RRP1: variants seen among roughly 807,000 people sequenced by gnomAD.
RRP1 encodes the protein ribosomal RNA processing protein 1 homolog A.
RRP1 carries 37 observed loss-of-function variants against 54.6 expected under a neutral mutation model. The observed-to-expected ratio is 0.68, with a 90% CI of 0.52 to 0.89. The LOEUF (loss-of-function observed/expected upper bound fraction) is 0.89, where lower values mean the gene tolerates loss of function less well. Among genes scored for constraint, RRP1 ranks in the 40% least tolerant of loss-of-function variants. The probability of loss-of-function intolerance (pLI) is 0.00; values close to 1 mark genes in which losing one functional copy is unlikely to be tolerated. For missense variants in RRP1, 639 were observed against 612.5 expected (o/e 1.04, Z -0.46); for synonymous variants, 262 against 244.3 (o/e 1.07, Z -0.67).
chr21:43,801,003 G>C (rs1035708010), intron 11 of RRP1, 122 bp downstream of exon 11: 17 of 1,083,388 alleles, frequency 1.6e-5, no homozygotes, highest in Non-Finnish European at 2.3e-5. Context: ...AGGCCTGGTG[G>C]TGTTTCTGAG....
chr21:43,790,962 T>C, intron 1 of RRP1: 1 of 457,170 alleles, frequency 2.2e-6, no homozygotes, highest in South Asian at 1.6e-5. Context: ...TGAGATATAT[T>C]ACAGGAGAGT....
chr21:43,793,780 A>G (rs2084985536), intron 4 of RRP1, among the ~76,000 whole-genome samples: 1 of 152,176 alleles, frequency 6.6e-6, no homozygotes, highest in Admixed American at 6.5e-5. Context: ...TGAGCCCTGG[A>G]GTGCTTAGCC....
At position 43,805,113 on chromosome 21, in the gene RRP1, A is replaced by C. The variant is rs1391669199; in HGVS notation, c.*1339A>C. 1 of 152,282 alleles carries C rather than the reference A, an allele frequency of 6.6e-6. No homozygotes were observed. The highest frequency in any genetic ancestry group is 2.4e-5 in the African/African-American group (1 of 41,428). The allele number at this position is 152,282 out of a possible 1,614,324, so 9.4% of individuals were successfully genotyped here. The stretch of plus-strand genomic sequence containing the variant: ...ACCAACATGGAGAAACCCCATCTCT[A>C]CTAAAATACAAAATTAGCCAGGCGT... On this transcript the variant is annotated 3_prime_UTR_variant, in exon 13 of 13. Coordinates refer to ENST00000497547, the MANE Select transcript of RRP1 (RefSeq NM_003683.6).
Position 43,795,262 on chromosome 21 carries a change from G to A in RRP1, c.422+12G>A. 1 of 1,613,828 alleles carries A rather than the reference G, an allele frequency of 6.2e-7. No individual in the cohort carries two copies. Among genetic ancestry groups the A allele is most frequent in the East Asian group, 2.2e-5 (1 of 44,882 alleles). ...GGCTGGGAAGAAAGGTGGGTGCGCG[G>A]CGGGCCTGCTCTGGGGGGACGCTGT... On this transcript the variant is annotated intron_variant, in intron 5 of 12. Transcript: ENST00000497547.
intron 9 of RRP1, 29 bp downstream of exon 9, chr21:43,799,678 C>A: frequency 6.3e-7 from 1 of 1,588,748 alleles, no homozygotes; most frequent in Non-Finnish European, 8.6e-7. Context: ...TGGCTGTGCC[C>A]TCAGCCTTTG....
At chr21:43,799,443 T>G in intron 8 of RRP1, 127 bp from the exon 9 acceptor site, 1 of 944,972 alleles carries the variant, frequency 1.1e-6, no homozygotes, top group Non-Finnish European at 1.6e-6. Flanking sequence ...GGCTGTCCGT[T>G]CCCGGGTGTT....
chr21:43,800,180 A>T (rs113179588), intron 9 of RRP1, among the ~76,000 whole-genome samples: 4 of 152,272 alleles, frequency 2.6e-5, no homozygotes, highest in African/African-American at 4.8e-5. Context: ...AATTTAACCT[A>T]TGTTGTTCGT....
At position 43,792,702 on chromosome 21, in the gene RRP1, G is replaced by T. The variant is rs776753739; in HGVS notation, c.247G>T (p.Val83Phe). 6.2e-7 allele frequency: 1 copy of T among 1,613,950 alleles called. No individual in the cohort carries two copies. The highest frequency in any genetic ancestry group is 1.3e-5 in the African/African-American group (1 of 74,890). ...ATTAGGAAGGACTATTTCCCAGCTCGTTCATGCTTTTCAGACCACGGAGGC... is the reference window on the plus strand; with the variant it reads ...ATTAGGAAGGACTATTTCCCAGCTCTTTCATGCTTTTCAGACCACGGAGGC... ...EELGRTISQL[V>F]HAFQTTEAQH... is the part of the protein sequence containing the mutation. The change falls in exon 3 of 13, where the codon GTT becomes TTT. Residue 83 changes from valine to phenylalanine, a missense_variant. Physicochemically the swap from Val to Phe is conservative, Grantham distance 50 (BLOSUM62 -1). Transcript: ENST00000497547.
chr21:43,796,840 C>G (rs933077103), intron 5 of RRP1, among the ~76,000 whole-genome samples: 1 of 152,180 alleles, frequency 6.6e-6, no homozygotes. Context: ...CTGGGGCTGT[C>G]TAGTCTTCAG....
At chr21:43,800,961 G>A in intron 11 of RRP1, 80 bp downstream of exon 11, 1 of 1,471,782 alleles carries the variant, frequency 6.8e-7, no homozygotes, top group South Asian at 1.1e-5. Flanking sequence ...TGGTTCTAGG[G>A]GTCTCATAGC....
At position 43,799,953 on chromosome 21, in the gene RRP1, A is replaced by G. The variant is rs182228099; in HGVS notation, c.891+304A>G. Among the ~76,000 whole-genome samples, 442 of 152,232 alleles carry G rather than the reference A, an allele frequency of 2.9e-3. 3 individuals are homozygous for G. The highest frequency in any genetic ancestry group is 9.8e-3 in the African/African-American group (408 of 41,536). On this transcript the variant is annotated intron_variant, in intron 9 of 12. Transcript: ENST00000497547. ...CTCACGCTGTCCTCTTGCCTCACAC[A>G]TGGGCAGCCCCCCAGATTTCCTGCG...
At chr21:43,795,328 C>T in intron 5 of RRP1, 78 bp downstream of exon 5, 1 of 1,390,694 alleles carries the variant, frequency 7.2e-7, no homozygotes, top group South Asian at 1.2e-5. Context: ...GATTCTTTGC[C>T]ATAAGGAGAT....
At chr21:43,797,600 G>A in intron 6 of RRP1, 31 bp from the exon 7 acceptor site, 6 of 1,614,160 alleles carry the variant, frequency 3.7e-6, no homozygotes, top group Non-Finnish European at 5.1e-6. Context: ...TTGTGGAGGA[G>A]GAACTGAGCT....
rs1286856289 is a variant in RRP1 at position 43,797,810 on chromosome 21, G to A, written c.618-97G>A. 1.9e-6 allele frequency: 3 copies of A among 1,565,214 alleles called. No individual in the cohort carries two copies. The African/African-American group carries it at 4.1e-5, about 21-fold the overall frequency. The stretch of plus-strand genomic sequence containing the variant: ...TGAATCTGTCTCAGAGTGGCCGCTG[G>A]CCGTGTGGGTGGGGAGAGGTTGCAG... On this transcript the variant is annotated intron_variant, in intron 7 of 12. Coordinates refer to ENST00000497547, the MANE Select transcript of RRP1 (RefSeq NM_003683.6).
chr21:43,799,630 G>A lies in RRP1; in HGVS notation c.872G>A (p.Ser291Asn). 1 of 1,611,646 alleles carries A rather than the reference G, an allele frequency of 6.2e-7. No homozygotes were observed. Among genetic ancestry groups the A allele is most frequent in the Non-Finnish European group, 8.5e-7 (1 of 1,179,720 alleles). The change falls in exon 9 of 13, where the codon AGT (serine) becomes AAT (asparagine). Residue 291 changes from serine (S) to asparagine (N), a missense_variant. Transcript: ENST00000497547. The part of the protein sequence containing the change: ...GEEQAGDDRD[S>N]GGPVLQFDYE... ...GAGCAGGCAGGTGACGACAGGGACA[G>A]TGGCGGCCCCGTTCTCCAGGTGGGT...
Position 43,797,441 on chromosome 21 carries a change from G to T in RRP1, c.442G>T (p.Glu148Ter). Residue 148 changes from glutamate (E) to a stop codon, truncating the protein, a stop_gained, in exon 6 of 13, where the codon GAG becomes TAG. Coordinates refer to ENST00000497547, the MANE Select transcript of RRP1 (RefSeq NM_003683.6). LOFTEE classifies it high-confidence loss of function. Reference sequence around the variant, plus strand: ...CCTCAGACAGATCGAGGAGCTGCTAGAGCTGCTGATGACTGAGATCCTGCA... The same window carrying T: ...CCTCAGACAGATCGAGGAGCTGCTATAGCTGCTGATGACTGAGATCCTGCA... ...WEERQIEELL[E>*]LLMTEILHPS... The T allele has an allele frequency of 6.2e-7, 1 of 1,612,750 alleles. No individual in the cohort carries two copies. The highest frequency in any genetic ancestry group is 8.5e-7 in the Non-Finnish European group (1 of 1,179,912).
chr21:43,792,675 G>C lies in RRP1; in HGVS notation c.220G>C (p.Glu74Gln), dbSNP rs747889574. The C allele has an allele frequency of 6.2e-7, 1 of 1,614,086 alleles. No individual in the cohort carries two copies. Among genetic ancestry groups the C allele is most frequent in the East Asian group, 2.2e-5 (1 of 44,884 alleles). The change falls in exon 3 of 13, where the codon GAA becomes CAA. Residue 74 changes from glutamate to glutamine, a missense_variant. Physicochemically the swap from Glu to Gln is conservative, Grantham distance 29. Transcript: ENST00000497547. ...GTTTTTGTTGTTTCCTACACAGGAA[G>C]AATTAGGAAGGACTATTTCCCAGCT... ...WMQDKPLLQE[E>Q]LGRTISQLVH...
At position 43,790,979 on chromosome 21, in the gene RRP1, G is replaced by T. The variant is rs186323306; in HGVS notation, c.134-371G>T. On this transcript the variant is annotated intron_variant, in intron 1 of 12. Transcript: ENST00000497547. ...AGATATATTACAGGAGAGTGCAGAA[G>T]CCCTCAGTATAATGCTGGATGAATT... The T allele has an allele frequency of 2.2e-5, 10 of 461,586 alleles. No individual in the cohort carries two copies. The Admixed American group carries it at 2.3e-4, about 11-fold the overall frequency. 28.6% of individuals were successfully genotyped at this position (461,586 alleles called of 1,614,324 possible).
chr21:43,802,457 T>A (rs1390977158), intron 12 of RRP1, 70 bp downstream of exon 12: 1 of 1,200,646 alleles, frequency 8.3e-7, no homozygotes. Context: ...TGGATGGGGG[T>A]CACCTGCAGT....
Sources: gnomAD v4.1 joint callset for allele counts (sites outside exome capture counted in the v4.1 genomes callset) on GRCh38, gnomAD v4.1.1 for gene constraint, MANE v1.5 for transcripts, NCBI Gene and HGNC (gene_info 2026-07-23, HGNC 2026-07-21) for gene names.